Variants in TENM2 observed in about 807,000 individuals in gnomAD.
TENM2 encodes teneurin transmembrane protein 2, also known as teneurin-2.
In TENM2, 52 loss-of-function variants were observed where a neutral mutation model predicts 245.2. That is an observed-to-expected ratio of 0.21 (90% CI 0.17 to 0.27). The LOEUF is 0.27. Ranked by LOEUF, TENM2 falls within the 10% of genes least tolerant of loss-of-function variation. TENM2 has a pLI of 1.00. For synonymous variants in TENM2, 1,363 were observed against 1,438.9 expected (o/e 0.95, Z 1.19); for missense variants, 3,046 against 3,666.8 (o/e 0.83, Z 4.37).
intron 3 of TENM2, among the ~76,000 whole-genome samples, chr5:167,952,148 C>T (rs1481289218): frequency 6.6e-6 from 1 of 151,994 alleles, no homozygotes; most frequent in Admixed American, 6.6e-5. Flanking sequence ...GGTACTATTC[C>T]CTGACTTAGA....
intron 2 of TENM2, among the ~76,000 whole-genome samples, chr5:167,521,327 G>T (rs1446490816): frequency 1.3e-5 from 2 of 152,056 alleles, no homozygotes; most frequent in East Asian, 1.9e-4. Flanking sequence ...AGGCAAGATT[G>T]GTCAATTTTT....
rs765521633 is a variant in TENM2, at chr5:168,247,135, C to A, written c.6196C>A (p.Arg2066=). 1 of 1,613,846 alleles carries A rather than the reference C, an allele frequency of 6.2e-7. No individual in the cohort carries two copies. Among genetic ancestry groups the A allele is most frequent in the Admixed American group, 1.7e-5 (1 of 59,998 alleles). Reference sequence around the variant, plus strand: ...GGGCTTCTCCTGCACCATCAGGTACCGGAAGATTGGCCCCCTGGTGGACAA... The same window carrying A: ...GGGCTTCTCCTGCACCATCAGGTACAGGAAGATTGGCCCCCTGGTGGACAA... The change falls in exon 27 of 29, where the codon CGG becomes AGG. Residue 2066 remains arginine, a synonymous_variant. Transcript: ENST00000518659. This position sits in a 1 kb window ranked among gnomAD's most constrained non-coding sequence, Gnocchi z 7.8.
the TENM2 span, among the ~76,000 whole-genome samples, chr5:167,081,368 A>G: frequency 6.6e-6 from 1 of 152,138 alleles, no homozygotes; most frequent in Admixed American, 6.6e-5. Flanking sequence ...AAATTAATCT[A>G]CTGAGTGTTC....
chr5:168,201,020 G>A (rs1761890926), intron 17 of TENM2, among the ~76,000 whole-genome samples: 1 of 152,124 alleles, frequency 6.6e-6, no homozygotes, highest in African/African-American at 2.4e-5. Context: ...AGAGAATTGT[G>A]TTAAATCTTT....
At chr5:167,690,895 A>G (rs1167069942) in intron 2 of TENM2, among the ~76,000 whole-genome samples, 1 of 150,896 alleles carries the variant, frequency 6.6e-6, no homozygotes, top group African/African-American at 2.4e-5. Context: ...ATATGTATAT[A>G]TTTGTATATA....
At chr5:167,096,270 T>G in the TENM2 span, among the ~76,000 whole-genome samples, 3 of 152,224 alleles carry the variant, frequency 2.0e-5, no homozygotes, top group African/African-American at 7.2e-5. Flanking sequence ...GTGGCACATT[T>G]AAAATCTACT....
At chr5:167,241,254 G>A in the TENM2 span, among the ~76,000 whole-genome samples, 396 of 152,146 alleles carry the variant, frequency 2.6e-3, 2 homozygotes, top group African/African-American at 9.2e-3. Context: ...ATAGTCAGGC[G>A]GGTTAGAAGT....
chr5:167,398,424 CTT>C (rs1454172498), intron 2 of TENM2, among the ~76,000 whole-genome samples: 20 of 109,106 alleles, frequency 1.8e-4, no homozygotes, highest in Admixed American at 5.6e-4. Flanking sequence ...CTCTCTCTCT[CTT>C]TCTTACTATT....
the TENM2 span, among the ~76,000 whole-genome samples, chr5:167,162,700 T>A: frequency 4.0e-5 from 6 of 150,912 alleles, no homozygotes; most frequent in African/African-American, 1.5e-4. Context: ...GCCAAAACAA[T>A]TTTTTTGTGT....
intron 4 of TENM2, among the ~76,000 whole-genome samples, chr5:167,962,169 A>AG (rs1781063015): frequency 1.3e-5 from 2 of 152,152 alleles, no homozygotes; most frequent in African/African-American, 4.8e-5. Flanking sequence ...CCTTCTTCAG[A>AG]TCCTTTGAAT....
At chr5:167,655,635 T>G (rs567971104) in intron 2 of TENM2, among the ~76,000 whole-genome samples, 2 of 152,308 alleles carry the variant, frequency 1.3e-5, no homozygotes, top group South Asian at 4.1e-4. Context: ...TTGGGAAGCA[T>G]GAAGCTTCAA....
At chr5:167,250,588 T>TAA in the TENM2 span, among the ~76,000 whole-genome samples, 1 of 152,168 alleles carries the variant, frequency 6.6e-6, no homozygotes, top group Non-Finnish European at 1.5e-5. Flanking sequence ...CTGATGGAGC[T>TAA]ATCAGACAAG....
chr5:168,141,824 A>G lies in TENM2; in HGVS notation c.2422+14858A>G, dbSNP rs557054658. Among the ~76,000 whole-genome samples the G allele has an allele frequency of 7.2e-5, 11 of 152,324 alleles. No individual in the cohort carries two copies. The East Asian group carries it at 2.1e-3, about 29-fold the overall frequency. ...CGTACAGGCTTTCAAAGGCCAGCTG[A>G]GGCTTCTCTGTATCTTCATTCATCA... On this transcript the variant is annotated intron_variant, in intron 12 of 28. Transcript: ENST00000518659.
intron 9 of TENM2, among the ~76,000 whole-genome samples, chr5:168,110,084 G>A (rs992640292): frequency 7.1e-6 from 1 of 140,622 alleles, no homozygotes; most frequent in Non-Finnish European, 1.5e-5. Context: ...TAGATAAGTA[G>A]CAGAGCAGCC....
At chr5:167,952,638 C>T (rs373398577) in exon 4 of TENM2, 15 of 1,613,288 alleles carry the variant, frequency 9.3e-6, no homozygotes, top group Middle Eastern at 1.6e-4. Flanking sequence ...TCTCCCACCC[C>T]CTCACAACCA....
intron 2 of TENM2, among the ~76,000 whole-genome samples, chr5:167,539,589 C>T (rs1298878649): frequency 1.3e-5 from 2 of 152,104 alleles, no homozygotes; most frequent in Non-Finnish European, 2.9e-5. Context: ...GGTTTCCTAC[C>T]TTCTCTTACG....
chr5:167,854,631 C>A (rs1770899683), intron 2 of TENM2, among the ~76,000 whole-genome samples: 1 of 152,152 alleles, frequency 6.6e-6, no homozygotes, highest in South Asian at 2.1e-4. Flanking sequence ...TTCTAAGCAA[C>A]AATTGGCATC....
At chr5:167,122,544 A>G in the TENM2 span, among the ~76,000 whole-genome samples, 2 of 152,202 alleles carry the variant, frequency 1.3e-5, no homozygotes, top group Non-Finnish European at 2.9e-5. Context: ...AAATCCAGGC[A>G]AATGTGTAAA....
At chr5:168,187,957 A>G (rs1028851473) in intron 13 of TENM2, among the ~76,000 whole-genome samples, 6 of 152,176 alleles carry the variant, frequency 3.9e-5, no homozygotes, top group African/African-American at 1.4e-4. Context: ...CTGCATTTCT[A>G]GGAAATTGTG....
Sources: gnomAD v4.1 joint callset for allele counts (sites outside exome capture counted in the v4.1 genomes callset) on GRCh38, gnomAD v4.1.1 for gene constraint, Gnocchi (gnomAD v3.1) non-coding constraint, MANE v1.5 for transcripts, NCBI Gene and HGNC (gene_info 2026-07-23, HGNC 2026-07-21) for gene names.